The following KANSL1L variants were observed in gnomAD, a reference collection of about 807,000 sequenced individuals.
KANSL1L encodes KAT8 regulatory NSL complex subunit 1 like, also known as KAT8 regulatory NSL complex subunit 1-like protein.
A neutral mutation model predicts 108.6 loss-of-function variants in KANSL1L; 25 were observed. That is an observed-to-expected ratio of 0.23 (90% CI 0.17 to 0.32). The LOEUF (loss-of-function observed/expected upper bound fraction) is 0.32. Ranked by LOEUF, KANSL1L falls within the 10% of genes least tolerant of loss-of-function variation. The probability of loss-of-function intolerance (pLI) is 1.00; values close to 1 mark genes in which losing one functional copy is unlikely to be tolerated. For missense variants in KANSL1L, 1,137 were observed against 1,125.7 expected (o/e 1.01, Z -0.14); for synonymous variants, 405 against 395.1 (o/e 1.03, Z -0.30).
At chr2:210,103,573 C>A (rs2094817104) in intron 4 of KANSL1L, among the ~76,000 whole-genome samples, 1 of 152,026 alleles carries the variant, frequency 6.6e-6, no homozygotes, top group South Asian at 2.1e-4. Flanking sequence ...GATAGACTGG[C>A]CAGAATAATT....
chr2:210,154,477 C>T lies in KANSL1L; in HGVS notation c.106G>A (p.Val36Ile), dbSNP rs141903484. 4.0e-5 allele frequency: 64 copies of T among 1,613,292 alleles called. 1 individual carries two copies. The African/African-American group carries it at 6.4e-4, about 16-fold the overall frequency. The change falls in exon 2 of 15, where the codon GTA becomes ATA. Residue 36 changes from valine (V) to isoleucine (I), a missense_variant. Physicochemically the swap from Val to Ile is conservative, Grantham distance 29 (BLOSUM62 3). This residue lies in a region of KANSL1L where 556 missense variants were observed against 537.7 expected (regional missense o/e 1.03). Transcript: ENST00000281772. ...KMLYMESPRT[V>I]DEKLKGDTFS... ...GTGTCTCCCTTTAGCTTTTCATCTA[C>T]AGTTCTGGGACTTTCCATGTAGAGC...
chr2:210,153,866 T>C lies in KANSL1L; in HGVS notation c.717A>G (p.Arg239=), dbSNP rs746056487. ...SKQKILLSQA[R]RTQKHLQMLL... ...GCATCTGCAAATGTTTCTGAGTTCT[T>C]CTAGCCTGGCTAAGTAAAATTTTCT... Residue 239 remains arginine (R), a synonymous_variant, in exon 2 of 15, where the codon AGA becomes AGG. Transcript: ENST00000281772. 1 of 1,613,082 alleles carries C rather than the reference T, an allele frequency of 6.2e-7. No homozygotes were observed. The highest frequency in any genetic ancestry group is 1.1e-5 in the South Asian group (1 of 90,850).
intron 2 of KANSL1L, among the ~76,000 whole-genome samples, chr2:210,139,980 C>T (rs1380953122): frequency 2.6e-5 from 4 of 151,554 alleles, no homozygotes; most frequent in African/African-American, 7.3e-5. Context: ...TGAGCTCAAG[C>T]GATCCACCGG....
At chr2:210,146,002 G>C (rs2095263142) in intron 2 of KANSL1L, among the ~76,000 whole-genome samples, 1 of 152,050 alleles carries the variant, frequency 6.6e-6, no homozygotes, top group African/African-American at 2.4e-5. Context: ...GGTGGTGGTG[G>C]GGGTAGAGGG....
At chr2:210,032,546 A>G (rs1225625811) in intron 8 of KANSL1L, 3 of 152,280 alleles carry the variant, frequency 2.0e-5, no homozygotes, top group African/African-American at 4.8e-5. Context: ...CTATCTGGAT[A>G]TTGACTGCAC....
intron 6 of KANSL1L, among the ~76,000 whole-genome samples, chr2:210,069,444 C>G (rs2094490693): frequency 6.6e-6 from 1 of 152,198 alleles, no homozygotes; most frequent in Non-Finnish European, 1.5e-5. Flanking sequence ...TTGCTCATTA[C>G]CCAGTTCCAA....
At chr2:210,130,331 AAT>A (rs2095108902) in intron 2 of KANSL1L, among the ~76,000 whole-genome samples, 2 of 152,204 alleles carry the variant, frequency 1.3e-5, no homozygotes, top group Non-Finnish European at 1.5e-5. Context: ...TGCTCTAAAA[AAT>A]AGTTTATTAA....
At chr2:210,065,222 C>T (rs983146920) in intron 6 of KANSL1L, among the ~76,000 whole-genome samples, 5 of 120,874 alleles carry the variant, frequency 4.1e-5, no homozygotes, top group Admixed American at 3.4e-4. Flanking sequence ...ACCTCGGAGG[C>T]GGAGGTTGCA....
chr2:210,064,056 T>C (rs1026234900), intron 6 of KANSL1L: 1 of 152,188 alleles, frequency 6.6e-6, no homozygotes, highest in Non-Finnish European at 1.5e-5. Context: ...GTTCTTGTGA[T>C]AGTGAATAAG....
chr2:210,108,467 T>C (rs2094872328), intron 3 of KANSL1L, among the ~76,000 whole-genome samples: 2 of 152,154 alleles, frequency 1.3e-5, no homozygotes, highest in African/African-American at 4.8e-5. Flanking sequence ...AAATATAGAA[T>C]ATTAAAATAT....
chr2:210,112,815 G>GA (rs2094921516), intron 3 of KANSL1L, among the ~76,000 whole-genome samples: 1 of 152,138 alleles, frequency 6.6e-6, no homozygotes, highest in Non-Finnish European at 1.5e-5. Flanking sequence ...TGCATTGGCA[G>GA]AATCTGTCTA....
intron 6 of KANSL1L, among the ~76,000 whole-genome samples, chr2:210,075,268 G>A (rs1218260262): frequency 6.6e-6 from 1 of 151,756 alleles, no homozygotes; most frequent in African/African-American, 2.4e-5. Flanking sequence ...AAATCATCTT[G>A]ACATTTCATT....
chr2:210,127,764 A>G (rs2095080112), intron 3 of KANSL1L, among the ~76,000 whole-genome samples: 2 of 126,208 alleles, frequency 1.6e-5, no homozygotes, highest in South Asian at 5.4e-4. Flanking sequence ...ACACTACTGC[A>G]CTCCAGCCTG....
At chr2:210,069,861 C>G (rs564512698) in intron 6 of KANSL1L, among the ~76,000 whole-genome samples, 2 of 101,312 alleles carry the variant, frequency 2.0e-5, no homozygotes, top group Admixed American at 1.6e-4. Flanking sequence ...CAGAGTCTCA[C>G]TCTGTCACCC....
chr2:210,128,942 C>A, intron 3 of KANSL1L, 89 bp downstream of exon 3: 12 of 1,086,544 alleles, frequency 1.1e-5, no homozygotes, highest in South Asian at 5.7e-5. Flanking sequence ...TTTATAAAAC[C>A]TTGTAACAAT....
Position 210,043,984 on chromosome 2 carries a change from A to T in KANSL1L, c.1876T>A (p.Ser626Thr). The T allele has an allele frequency of 6.2e-7, 1 of 1,606,158 alleles. No homozygotes were observed. The highest frequency in any genetic ancestry group is 8.5e-7 in the Non-Finnish European group (1 of 1,176,076). Residue 626 changes from serine (S) to threonine (T), a missense_variant, in exon 7 of 15, where the codon TCA (serine) becomes ACA (threonine). Ser to Thr is a moderately conservative substitution (Grantham distance 58, BLOSUM62 1). Coordinates refer to ENST00000281772, the MANE Select transcript of KANSL1L (RefSeq NM_152519.4). ...SESYLLREHV[S>T]ELDSSFHSVL... ...GAATGGAAAGAGGAATCTAACTCTG[A>T]TACATGTTCTCTTAATAGGTAAGAC...
At chr2:210,048,627 A>C (rs1046072091) in intron 6 of KANSL1L, among the ~76,000 whole-genome samples, 6 of 152,010 alleles carry the variant, frequency 3.9e-5, no homozygotes, top group African/African-American at 1.4e-4. Flanking sequence ...TTTATTTTGT[A>C]TATTCATATG....
At chr2:210,143,119 C>A (rs1472080128) in intron 2 of KANSL1L, among the ~76,000 whole-genome samples, 1 of 151,894 alleles carries the variant, frequency 6.6e-6, no homozygotes, top group African/African-American at 2.4e-5. Context: ...TATTTAGATT[C>A]TCTGATATTG....
At chr2:210,090,570 C>T (rs562607029) in intron 5 of KANSL1L, among the ~76,000 whole-genome samples, 1 of 152,290 alleles carries the variant, frequency 6.6e-6, no homozygotes, top group East Asian at 1.9e-4. Context: ...CAGGGTCTCA[C>T]TCTGTCACCA....
Sources: gnomAD v4.1 joint callset for allele counts (sites outside exome capture counted in the v4.1 genomes callset) on GRCh38, gnomAD v4.1.1 for gene constraint, gnomAD v4.1.1 regional missense constraint, MANE v1.5 for transcripts, NCBI Gene and HGNC (gene_info 2026-07-23, HGNC 2026-07-21) for gene names.